LRRC7: variants seen among roughly 807,000 people sequenced by gnomAD.
LRRC7 encodes leucine-rich repeat-containing protein 7.
LRRC7 carries 23 observed loss-of-function variants against 175.7 expected under a neutral mutation model. The ratio of observed to expected loss-of-function variants is 0.13; its 90% CI spans 0.09 to 0.19. The LOEUF is 0.19. LRRC7 is among the 10% of genes least tolerant of loss of function. The probability of loss-of-function intolerance (pLI) is 1.00; values close to 1 mark genes in which losing one functional copy is unlikely to be tolerated. For synonymous variants in LRRC7, 685 were observed against 680.9 expected, an observed-to-expected ratio of 1.01 and a Z score of -0.09; for missense variants, 1,354 against 1,904.7, an observed-to-expected ratio of 0.71 and a Z score of 5.38.
Position 70,085,523 on chromosome 1 carries a change from G to A in LRRC7, c.4453-4204G>A, listed in dbSNP as rs529187749. Among the ~76,000 whole-genome samples, 6 of 152,048 alleles carry A rather than the reference G, an allele frequency of 3.9e-5. No individual in the cohort carries two copies. The South Asian group carries it at 1.2e-3, about 32-fold the overall frequency. On this transcript the variant is annotated intron_variant, in intron 24 of 26. Coordinates refer to ENST00000651989, the MANE Select transcript of LRRC7 (RefSeq NM_001370785.2). ...GACGTATGCCCTAAATCCATCTTTA[G>A]GGCATTTATAATTGCTGTCCCCTTT... is the stretch of plus-strand genomic sequence containing the variant.
intron 1 of LRRC7, among the ~76,000 whole-genome samples, chr1:69,634,895 A>C (rs948560948): frequency 2.6e-5 from 4 of 152,150 alleles, no homozygotes; most frequent in African/African-American, 7.2e-5. Context: ...AAAATTGAGA[A>C]GTGAGAAGCA....
chr1:69,857,939 C>A (rs1193987874), intron 7 of LRRC7, among the ~76,000 whole-genome samples: 3 of 151,884 alleles, frequency 2.0e-5, no homozygotes, highest in African/African-American at 7.3e-5. Flanking sequence ...CAGAACAGAG[C>A]CCTCAGAAAT....
At position 70,123,670 on chromosome 1, in the gene LRRC7, T is replaced by C. The variant is rs1426491069; in HGVS notation, c.*1783T>C. Among the ~76,000 whole-genome samples, 3 of 152,186 alleles carry C rather than the reference T, an allele frequency of 2.0e-5. No homozygotes were observed. The highest frequency in any genetic ancestry group is 7.2e-5 in the African/African-American group (3 of 41,460). ...GCCTATTTAGTATGTTTCCCAGAAGTAACTTTTAAATGCATTTTAATATAT... is the reference window on the plus strand; with the variant it reads ...GCCTATTTAGTATGTTTCCCAGAAGCAACTTTTAAATGCATTTTAATATAT... On this transcript the variant is annotated 3_prime_UTR_variant, in exon 27 of 27. Coordinates refer to ENST00000651989, the MANE Select transcript of LRRC7 (RefSeq NM_001370785.2).
At position 69,764,675 on chromosome 1, in the gene LRRC7, C is replaced by A. The variant is rs184390245; in HGVS notation, c.303+4282C>A. ...TTCATTAGTAAAACTCGGGAAGTAA[C>A]AACACTGTCTCCTGTGGGTGGGTAG... On this transcript the variant is annotated intron_variant, in intron 3 of 26. Transcript: ENST00000651989. 7.1e-4 allele frequency among the ~76,000 whole-genome samples: 108 copies of A among 151,634 alleles called. 1 individual carries two copies. The highest frequency in any genetic ancestry group is 1.3e-3 in the Admixed American group (19 of 15,172).
intron 1 of LRRC7, among the ~76,000 whole-genome samples, chr1:69,594,627 C>T (rs968266573): frequency 4.6e-5 from 7 of 152,156 alleles, no homozygotes; most frequent in Non-Finnish European, 8.8e-5. Context: ...ATACTCCATC[C>T]GTACAGACTT....
At chr1:70,062,044 A>G (rs1201066294) in intron 23 of LRRC7, among the ~76,000 whole-genome samples, 1 of 152,124 alleles carries the variant, frequency 6.6e-6, no homozygotes, top group Admixed American at 6.6e-5. Context: ...ATTAGTGGTC[A>G]TTTACTGACA....
intron 1 of LRRC7, among the ~76,000 whole-genome samples, chr1:69,660,241 C>A (rs571233018): frequency 1.7e-4 from 26 of 152,064 alleles, no homozygotes; most frequent in African/African-American, 6.0e-4. Context: ...TTCAATCCAT[C>A]AGAATATTAT....
chr1:69,991,394 C>G (rs891465614), intron 10 of LRRC7, among the ~76,000 whole-genome samples: 18 of 152,200 alleles, frequency 1.2e-4, no homozygotes, highest in African/African-American at 3.4e-4. Context: ...CTGAATGGTT[C>G]TCAAAGTAAC....
At chr1:69,738,558 T>A (rs1442678745) in intron 2 of LRRC7, among the ~76,000 whole-genome samples, 1 of 152,050 alleles carries the variant, frequency 6.6e-6, no homozygotes. Context: ...CCTTTGTGTG[T>A]TTTTCTTATC....
intron 25 of LRRC7, among the ~76,000 whole-genome samples, chr1:70,102,720 C>A (rs1664882592): frequency 6.6e-6 from 1 of 152,092 alleles, no homozygotes; most frequent in Non-Finnish European, 1.5e-5. Context: ...ACTGTGTCAT[C>A]CATTGTTCTA....
At chr1:70,024,319 A>C (rs1657853530) in intron 17 of LRRC7, among the ~76,000 whole-genome samples, 1 of 151,056 alleles carries the variant, frequency 6.6e-6, no homozygotes, top group African/African-American at 2.4e-5. Context: ...TAATATATTA[A>C]AAAACAGTTC....
chr1:70,001,518 C>T (rs185038706), intron 11 of LRRC7, among the ~76,000 whole-genome samples: 7 of 152,094 alleles, frequency 4.6e-5, no homozygotes, highest in Non-Finnish European at 7.4e-5. Context: ...AATGGCCAAA[C>T]GATTTATGTT....
At chr1:70,093,905 A>G (rs1664207777) in intron 25 of LRRC7, among the ~76,000 whole-genome samples, 1 of 152,200 alleles carries the variant, frequency 6.6e-6, no homozygotes, top group African/African-American at 2.4e-5. Context: ...AAACTGCATT[A>G]ATAGATAACT....
chr1:70,053,146 G>T lies in LRRC7; in HGVS notation c.4230+1G>T. 1 of 1,598,104 alleles carries T rather than the reference G, an allele frequency of 6.3e-7. No homozygotes were observed. The highest frequency in any genetic ancestry group is 8.5e-7 in the Non-Finnish European group (1 of 1,172,882). ...ACCTCCGGACACCATTACTAAGAAG[G>T]TAACCAATTTTTAATTAACAAGACA... On this transcript the variant is annotated splice_donor_variant, in intron 23 of 26. Coordinates refer to ENST00000651989, the MANE Select transcript of LRRC7 (RefSeq NM_001370785.2). LOFTEE classifies it high-confidence loss of function.
At chr1:69,660,412 A>G (rs1469436703) in intron 1 of LRRC7, among the ~76,000 whole-genome samples, 1 of 152,112 alleles carries the variant, frequency 6.6e-6, no homozygotes, top group African/African-American at 2.4e-5. Context: ...CAACATTTGG[A>G]TCAATACACA....
intron 10 of LRRC7, among the ~76,000 whole-genome samples, chr1:69,987,180 G>T (rs1446783508): frequency 6.6e-6 from 1 of 152,192 alleles, no homozygotes; most frequent in East Asian, 1.9e-4. Context: ...AGGAGGCGGT[G>T]GTTGCAGTGA....
chr1:69,612,612 G>A (rs1181188879), intron 1 of LRRC7, among the ~76,000 whole-genome samples: 4 of 151,988 alleles, frequency 2.6e-5, no homozygotes, highest in African/African-American at 4.8e-5. Context: ...ACCCATAATG[G>A]TGAAGGAACA....
intron 7 of LRRC7, among the ~76,000 whole-genome samples, chr1:69,926,951 G>T (rs1570686797): frequency 6.6e-6 from 1 of 152,168 alleles, no homozygotes; most frequent in Non-Finnish European, 1.5e-5. Context: ...GGTACCGGTT[G>T]TTCCTTTCCA....
At chr1:69,746,110 T>A (rs755378302) in intron 2 of LRRC7, among the ~76,000 whole-genome samples, 1 of 151,956 alleles carries the variant, frequency 6.6e-6, no homozygotes, top group Non-Finnish European at 1.5e-5. Flanking sequence ...GTAACTTCTA[T>A]TTTTATCCTC....
Sources: allele counts gnomAD v4.1 joint callset (sites outside exome capture counted in the v4.1 genomes callset), GRCh38; gene constraint gnomAD v4.1.1; transcripts MANE v1.5; gene names NCBI Gene and HGNC (gene_info 2026-07-23, HGNC 2026-07-21).